The following INSC variants were observed in gnomAD, a reference collection of about 807,000 sequenced individuals.
The protein encoded by INSC is INSC spindle orientation adaptor protein.
Under a neutral mutation model 58.6 loss-of-function variants are expected in INSC, and 67 were observed. The observed-to-expected ratio is 1.14, with a 90% CI of 0.94 to 1.40. INSC has a LOEUF of 1.40. Ranked by LOEUF, INSC falls within the 40% of genes most tolerant of loss-of-function variation. The pLI is 0.00. For synonymous variants in INSC, 262 were observed against 276.1 expected (o/e 0.95, Z 0.51); for missense variants, 714 against 692.0 (o/e 1.03, Z -0.36).
chr11:15,118,028 G>A (rs986998803), intron 1 of INSC, among the ~76,000 whole-genome samples: 1 of 152,130 alleles, frequency 6.6e-6, no homozygotes, highest in Non-Finnish European at 1.5e-5. Flanking sequence ...CCCTGGCCCC[G>A]CAGCCACCCC....
chr11:15,237,640 A>G (rs905708730), intron 10 of INSC, among the ~76,000 whole-genome samples: 9 of 152,218 alleles, frequency 5.9e-5, no homozygotes, highest in African/African-American at 1.9e-4. Context: ...AGGTCTGGAC[A>G]GGGCAAATCT....
intron 12 of INSC, 134 bp from the exon 13 acceptor site, chr11:15,245,778 A>T (rs1852538554): frequency 8.6e-7 from 1 of 1,157,278 alleles, no homozygotes; most frequent in South Asian, 1.6e-5. Flanking sequence ...CCAAGTGGCT[A>T]ACATGATGAT....
intron 1 of INSC, among the ~76,000 whole-genome samples, chr11:15,117,800 A>G (rs1206362515): frequency 6.6e-6 from 1 of 151,566 alleles, no homozygotes; most frequent in Non-Finnish European, 1.5e-5. Flanking sequence ...GTACCTTTGA[A>G]CTCTAATTGG....
At chr11:15,170,748 A>T (rs1849368429) in intron 2 of INSC, among the ~76,000 whole-genome samples, 1 of 152,158 alleles carries the variant, frequency 6.6e-6, no homozygotes, top group Non-Finnish European at 1.5e-5. Flanking sequence ...TCCAGTTTAT[A>T]TGAGGTAAGT....
chr11:15,201,051 C>T (rs1850571343), intron 7 of INSC, 102 bp downstream of exon 7: 1 of 1,387,286 alleles, frequency 7.2e-7, no homozygotes, highest in South Asian at 1.4e-5. Context: ...GACCAAGTGC[C>T]TCGAGTAGTC....
At chr11:15,226,286 C>T (rs944647356) in intron 9 of INSC, among the ~76,000 whole-genome samples, 14 of 152,154 alleles carry the variant, frequency 9.2e-5, no homozygotes, top group Non-Finnish European at 1.6e-4. Context: ...AACTGCTCCC[C>T]TCTTTATCTC....
chr11:15,218,143 C>G (rs543524559), intron 7 of INSC, among the ~76,000 whole-genome samples: 1 of 152,024 alleles, frequency 6.6e-6, no homozygotes, highest in Admixed American at 6.5e-5. Flanking sequence ...CACCCATCGA[C>G]GGGAGAATGC....
chr11:15,151,037 G>A (rs1848633134), intron 2 of INSC, among the ~76,000 whole-genome samples: 1 of 152,146 alleles, frequency 6.6e-6, no homozygotes, highest in South Asian at 2.1e-4. Flanking sequence ...TCTAGAGCCT[G>A]AGGGTGCTTT....
chr11:15,164,951 A>G (rs1014719799), intron 2 of INSC, among the ~76,000 whole-genome samples: 4 of 152,178 alleles, frequency 2.6e-5, no homozygotes, highest in African/African-American at 9.7e-5. Flanking sequence ...AGGGCTCCCT[A>G]TCCATGTGGA....
chr11:15,113,112 T>C (rs909750224), upstream of INSC, among the ~76,000 whole-genome samples: 3 of 107,732 alleles, frequency 2.8e-5, no homozygotes, highest in African/African-American at 6.6e-5. Flanking sequence ...CTTTCTTTTC[T>C]CTCTCTCTCT....
chr11:15,204,773 C>T (rs1850731692), intron 7 of INSC, among the ~76,000 whole-genome samples: 1 of 152,262 alleles, frequency 6.6e-6, no homozygotes, highest in African/African-American at 2.4e-5. Flanking sequence ...GCCTGATTTA[C>T]TGGCCTGGCC....
chr11:15,191,751 C>A (rs576460756), intron 6 of INSC, among the ~76,000 whole-genome samples: 1 of 152,178 alleles, frequency 6.6e-6, no homozygotes, highest in East Asian at 1.9e-4. Context: ...ACCACCAACT[C>A]GGAGGTTTGT....
At chr11:15,193,444 TC>T (rs1197527466) in intron 6 of INSC, among the ~76,000 whole-genome samples, 1 of 152,024 alleles carries the variant, frequency 6.6e-6, no homozygotes, top group African/African-American at 2.4e-5. Flanking sequence ...CCCTCCCCCA[TC>T]CCCCCACTCC....
chr11:15,183,079 G>A (rs553760645), intron 5 of INSC, among the ~76,000 whole-genome samples: 4 of 152,162 alleles, frequency 2.6e-5, no homozygotes, highest in Admixed American at 2.6e-4. Context: ...TGGGTGTGGC[G>A]ACTCACGCTT....
the INSC span, among the ~76,000 whole-genome samples, chr11:15,257,711 T>G: frequency 6.6e-6 from 1 of 152,098 alleles, no homozygotes; most frequent in Non-Finnish European, 1.5e-5. Flanking sequence ...TAGAGACACA[T>G]GCACAGGGAG....
At chr11:15,124,582 G>A (rs1263671409) in intron 1 of INSC, among the ~76,000 whole-genome samples, 1 of 152,118 alleles carries the variant, frequency 6.6e-6, no homozygotes, top group African/African-American at 2.4e-5. Flanking sequence ...TTGGCCCTGT[G>A]GAATTTGCAG....
At chr11:15,149,316 G>T (rs909567935) in intron 2 of INSC, 86 bp downstream of exon 2, 3 of 1,311,000 alleles carry the variant, frequency 2.3e-6, no homozygotes. Flanking sequence ...GAGGCTGCAG[G>T]TGACCCCATC....
the INSC span, among the ~76,000 whole-genome samples, chr11:15,256,138 CA>C: frequency 2.0e-5 from 3 of 152,132 alleles, no homozygotes; most frequent in Admixed American, 6.6e-5. Flanking sequence ...ACAGGGAAGG[CA>C]GGGGAAAGAG....
chr11:15,188,375 C>G (rs1378076600), intron 5 of INSC: 15 of 985,060 alleles, frequency 1.5e-5, no homozygotes, highest in Non-Finnish European at 1.8e-5. Flanking sequence ...ATTTCCTGAC[C>G]TTCAAAAATG....
Sources: gnomAD v4.1 joint callset for allele counts (sites outside exome capture counted in the v4.1 genomes callset) on GRCh38, gnomAD v4.1.1 for gene constraint, MANE v1.5 for transcripts, NCBI Gene and HGNC (gene_info 2026-07-23, HGNC 2026-07-21) for gene names.